The following SHISA9 variants were observed in gnomAD, a reference collection of about 807,000 sequenced individuals.
SHISA9 encodes protein shisa-9.
Under a neutral mutation model 38.0 loss-of-function variants are expected in SHISA9, and 13 were observed. The ratio of observed to expected loss-of-function variants is 0.34; its 90% CI spans 0.22 to 0.54. The LOEUF is 0.54. Among genes scored for constraint, SHISA9 ranks in the 20% least tolerant of loss-of-function variants. SHISA9 has a pLI of 0.91. For missense variants in SHISA9, 538 were observed against 575.8 expected (o/e 0.93, Z 0.67); for synonymous variants, 275 against 242.0 (o/e 1.14, Z -1.27).
intron 2 of SHISA9, among the ~76,000 whole-genome samples, chr16:12,923,920 C>T (rs2071361789): frequency 6.6e-6 from 1 of 152,080 alleles, no homozygotes; most frequent in Non-Finnish European, 1.5e-5. Flanking sequence ...CCAGGTCTGT[C>T]CGACTCCACA....
At chr16:13,433,802 C>A in the SHISA9 span, among the ~76,000 whole-genome samples, 1 of 152,092 alleles carries the variant, frequency 6.6e-6, no homozygotes. Flanking sequence ...ACCTTGTATC[C>A]CCAGGATAGG....
At chr16:13,323,027 C>T in the SHISA9 span, among the ~76,000 whole-genome samples, 1 of 152,150 alleles carries the variant, frequency 6.6e-6, no homozygotes, top group African/African-American at 2.4e-5. Context: ...AATCTTCCTG[C>T]TATGTCTGCT....
chr16:13,174,115 A>G (rs1191193343), intron 2 of SHISA9, among the ~76,000 whole-genome samples: 1 of 152,118 alleles, frequency 6.6e-6, no homozygotes, highest in African/African-American at 2.4e-5. Context: ...CAAGGTCTTT[A>G]CTAACTTGAT....
At chr16:13,153,147 G>C (rs1026878527) in intron 2 of SHISA9, among the ~76,000 whole-genome samples, 3 of 152,184 alleles carry the variant, frequency 2.0e-5, no homozygotes, top group African/African-American at 7.2e-5. Flanking sequence ...TTTTAGCCCA[G>C]TGAAACCCAT....
chr16:13,500,928 C>G, the SHISA9 span, among the ~76,000 whole-genome samples: 1 of 152,116 alleles, frequency 6.6e-6, no homozygotes, highest in African/African-American at 2.4e-5. Flanking sequence ...GATGGATCAC[C>G]TGTTTTCAAT....
chr16:12,974,479 GTTTTTTTTTT>G (rs58309847), intron 2 of SHISA9, among the ~76,000 whole-genome samples: 162 of 91,786 alleles, frequency 1.8e-3, no homozygotes, highest in Non-Finnish European at 2.7e-3. Context: ...ATTTCTGGTG[GTTTTTTTTTT>G]TTTTTTTTTT....
chr16:13,172,265 T>G (rs17243899), intron 2 of SHISA9, among the ~76,000 whole-genome samples: 1 of 152,072 alleles, frequency 6.6e-6, no homozygotes. Flanking sequence ...ATGCTTGGTT[T>G]TGCAGAGACA....
chr16:13,315,880 G>C, the SHISA9 span, among the ~76,000 whole-genome samples: 14 of 152,090 alleles, frequency 9.2e-5, no homozygotes, highest in Non-Finnish European at 1.9e-4. Flanking sequence ...TAATCATCAT[G>C]CTGTTTACCC....
At chr16:13,277,990 T>G in the SHISA9 span, among the ~76,000 whole-genome samples, 1 of 152,088 alleles carries the variant, frequency 6.6e-6, no homozygotes. Context: ...CCTTGTCTTG[T>G]TCCCATTCTC....
chr16:13,293,870 G>C, the SHISA9 span, among the ~76,000 whole-genome samples: 3 of 152,250 alleles, frequency 2.0e-5, no homozygotes, highest in Non-Finnish European at 2.9e-5. Context: ...AAAATTATGA[G>C]AGAATAAGCC....
the SHISA9 span, among the ~76,000 whole-genome samples, chr16:13,437,864 CTTT>C: frequency 7.8e-3 from 815 of 104,498 alleles, 11 homozygotes; most frequent in African/African-American, 0.021. Context: ...CTTTTTTTTT[CTTT>C]TTTTTTTTTT....
At chr16:13,163,463 T>G (rs2050612216) in intron 2 of SHISA9, among the ~76,000 whole-genome samples, 1 of 152,184 alleles carries the variant, frequency 6.6e-6, no homozygotes, top group African/African-American at 2.4e-5. Flanking sequence ...TTGAGTTTAA[T>G]AAATCTGCTG....
intron 2 of SHISA9, among the ~76,000 whole-genome samples, chr16:12,970,336 TATATATAC>T (rs1479434432): frequency 1.1e-5 from 1 of 90,462 alleles, no homozygotes; most frequent in East Asian, 2.4e-4. Flanking sequence ...CATATATATA[TATATATAC>T]ATATATGTGT....
intron 4 of SHISA9, among the ~76,000 whole-genome samples, chr16:13,228,933 G>T (rs923440270): frequency 7.9e-5 from 12 of 152,116 alleles, no homozygotes; most frequent in African/African-American, 2.9e-4. Context: ...GGCCAAGGTG[G>T]GTGGATCACT....
the SHISA9 span, among the ~76,000 whole-genome samples, chr16:13,304,943 C>T: frequency 6.6e-6 from 1 of 152,230 alleles, no homozygotes; most frequent in Non-Finnish European, 1.5e-5. Context: ...ATTACTGGAT[C>T]TGTTCTGACA....
chr16:13,415,366 T>G, the SHISA9 span, among the ~76,000 whole-genome samples: 1 of 152,178 alleles, frequency 6.6e-6, no homozygotes, highest in South Asian at 2.1e-4. Flanking sequence ...TTCTCACTTT[T>G]AAGTGGGAGC....
At chr16:13,387,899 A>T in the SHISA9 span, among the ~76,000 whole-genome samples, 1 of 152,044 alleles carries the variant, frequency 6.6e-6, no homozygotes, top group African/African-American at 2.4e-5. Flanking sequence ...TCAATTATGA[A>T]ATTTTCTTGG....
chr16:13,467,289 G>A, the SHISA9 span, among the ~76,000 whole-genome samples: 1 of 152,180 alleles, frequency 6.6e-6, no homozygotes. Context: ...GCAGAAGAAG[G>A]AGGATTCTCT....
At chr16:13,418,840 C>G in the SHISA9 span, among the ~76,000 whole-genome samples, 13 of 152,192 alleles carry the variant, frequency 8.5e-5, no homozygotes, top group African/African-American at 3.1e-4. Flanking sequence ...TCAGCCAGCT[C>G]AGGCAGAATA....
Sources: gnomAD v4.1 joint callset for allele counts (sites outside exome capture counted in the v4.1 genomes callset) on GRCh38, gnomAD v4.1.1 for gene constraint, MANE v1.5 for transcripts, NCBI Gene and HGNC (gene_info 2026-07-23, HGNC 2026-07-21) for gene names.